CTNND2: variants seen among roughly 807,000 people sequenced by gnomAD.
CTNND2 encodes the protein catenin delta 2, also known as catenin delta-2.
Under a neutral mutation model 144.4 loss-of-function variants are expected in CTNND2, and 22 were observed. The ratio of observed to expected loss-of-function variants is 0.15; its 90% confidence interval spans 0.11 to 0.22. CTNND2 has a LOEUF of 0.22. CTNND2 is among the 10% of genes least tolerant of loss of function. CTNND2 has a pLI of 1.00. For missense variants in CTNND2, 1,353 were observed against 1,618.8 expected, an observed-to-expected ratio of 0.84 and a Z score of 2.82; for synonymous variants, 751 against 695.6, an observed-to-expected ratio of 1.08 and a Z score of -1.25.
chr5:11,311,868 C>T (rs1264428135), intron 9 of CTNND2, among the ~76,000 whole-genome samples: 1 of 142,284 alleles, frequency 7.0e-6, no homozygotes. Flanking sequence ...CACACTCCCC[C>T]TTCCCACTCA....
intron 2 of CTNND2, among the ~76,000 whole-genome samples, chr5:11,711,499 T>C (rs1225685987): frequency 6.6e-6 from 1 of 152,176 alleles, no homozygotes; most frequent in Admixed American, 6.5e-5. Flanking sequence ...TATAAAAAAA[T>C]CAAGCAGATA....
At chr5:11,147,915 A>C (rs886526) in intron 12 of CTNND2, among the ~76,000 whole-genome samples, 81,791 of 152,058 alleles carry the variant, frequency 0.54, 22,250 homozygotes, top group Admixed American at 0.59. Context: ...GAGTGAACAC[A>C]GCTCACATGT....
chr5:11,407,883 A>G (rs768253659), intron 5 of CTNND2, among the ~76,000 whole-genome samples: 1 of 151,940 alleles, frequency 6.6e-6, no homozygotes, highest in Non-Finnish European at 1.5e-5. Flanking sequence ...TTGTTCCACT[A>G]TCGAGGAGGA....
intron 2 of CTNND2, among the ~76,000 whole-genome samples, chr5:11,632,720 A>G (rs1432114528): frequency 6.6e-6 from 1 of 152,212 alleles, no homozygotes; most frequent in Non-Finnish European, 1.5e-5. Context: ...CAAGAACTAA[A>G]GGAAACCATG....
intron 15 of CTNND2, among the ~76,000 whole-genome samples, chr5:11,085,352 T>C (rs760921876): frequency 3.3e-5 from 5 of 152,342 alleles, no homozygotes; most frequent in Non-Finnish European, 5.9e-5. Flanking sequence ...GAAAGGTTAG[T>C]TATGTGTATG....
chr5:11,614,100 C>CT (rs946579884), intron 2 of CTNND2, among the ~76,000 whole-genome samples: 15 of 152,084 alleles, frequency 9.9e-5, no homozygotes, highest in African/African-American at 2.9e-4. Flanking sequence ...TCCTATACTT[C>CT]TTTTTTTAAA....
intron 1 of CTNND2, among the ~76,000 whole-genome samples, chr5:11,776,933 C>T (rs1268446233): frequency 6.6e-6 from 1 of 152,104 alleles, no homozygotes; most frequent in Non-Finnish European, 1.5e-5. Flanking sequence ...AGTTATACTA[C>T]TGGACATCCA....
At chr5:11,047,381 C>T (rs998392551) in intron 16 of CTNND2, among the ~76,000 whole-genome samples, 8 of 152,090 alleles carry the variant, frequency 5.3e-5, no homozygotes, top group African/African-American at 7.2e-5. Flanking sequence ...TGTTTTCCCA[C>T]GTAAAAGGCA....
chr5:11,017,062 C>T (rs1307038514), intron 18 of CTNND2, among the ~76,000 whole-genome samples: 1 of 152,026 alleles, frequency 6.6e-6, no homozygotes, highest in African/African-American at 2.4e-5. Context: ...CAGGTGTGAG[C>T]CACTGCACAT....
intron 18 of CTNND2, 25 bp downstream of exon 18, chr5:11,017,949 A>G (rs1379532645): frequency 6.3e-7 from 1 of 1,577,126 alleles, no homozygotes; most frequent in Non-Finnish European, 8.7e-7. Context: ...GTTTGGACTC[A>G]GGGCCCAGGT....
chr5:10,989,804 AATGAGAGG>A (rs1738458862), intron 19 of CTNND2, among the ~76,000 whole-genome samples: 1 of 152,248 alleles, frequency 6.6e-6, no homozygotes. Flanking sequence ...AATAAAGTAG[AATGAGAGG>A]CAGAAGTGCC....
chr5:11,504,518 G>A (rs1036022669), intron 3 of CTNND2, among the ~76,000 whole-genome samples: 10 of 152,028 alleles, frequency 6.6e-5, no homozygotes, highest in South Asian at 2.1e-4. Flanking sequence ...TGATTTCCCC[G>A]CCTGACAATT....
intron 1 of CTNND2, among the ~76,000 whole-genome samples, chr5:11,851,281 G>A (rs1561857929): frequency 6.6e-6 from 1 of 152,096 alleles, no homozygotes; most frequent in Non-Finnish European, 1.5e-5. Flanking sequence ...GTGCGTATGT[G>A]GGTGTGAGTG....
intron 11 of CTNND2, among the ~76,000 whole-genome samples, chr5:11,191,076 G>C (rs1395218630): frequency 1.3e-5 from 2 of 152,138 alleles, no homozygotes; most frequent in Non-Finnish European, 2.9e-5. Flanking sequence ...GTAAAAAGAA[G>C]TGCTGGAAAA....
chr5:11,524,415 C>T (rs1773028824), intron 3 of CTNND2, among the ~76,000 whole-genome samples: 1 of 152,174 alleles, frequency 6.6e-6, no homozygotes, highest in African/African-American at 2.4e-5. Flanking sequence ...TTTCAAGCAT[C>T]AGCAAACAGT....
At chr5:11,319,193 G>T (rs962717545) in intron 9 of CTNND2, among the ~76,000 whole-genome samples, 23 of 151,896 alleles carry the variant, frequency 1.5e-4, no homozygotes, top group Non-Finnish European at 2.9e-4. Context: ...ACTTAAGATT[G>T]TGTTTATTTG....
rs61751851 is a variant in CTNND2, at chr5:11,164,327, T to C, written c.1976-4568A>G. ...TTTTTTTGCAGGGTAGGGACATTATTCAGTCTACTACGTATCCCTTCAAAA... is the reference window on the plus strand; with the variant it reads ...TTTTTTTGCAGGGTAGGGACATTATCCAGTCTACTACGTATCCCTTCAAAA... On this transcript the variant is annotated intron_variant, in intron 11 of 21. Transcript: ENST00000304623. Among the ~76,000 whole-genome samples the C allele has an allele frequency of 7.9e-5, 12 of 152,310 alleles. No homozygotes were observed. In the East Asian group the frequency reaches 2.3e-3, roughly 29 times the overall value.
intron 2 of CTNND2, among the ~76,000 whole-genome samples, chr5:11,567,028 T>C (rs572153949): frequency 1.1e-4 from 16 of 152,322 alleles, no homozygotes; most frequent in African/African-American, 3.8e-4. Flanking sequence ...TATATGTGGT[T>C]CTCATTTTGG....
At chr5:11,839,125 T>C (rs1794325820) in intron 1 of CTNND2, among the ~76,000 whole-genome samples, 1 of 152,154 alleles carries the variant, frequency 6.6e-6, no homozygotes, top group African/African-American at 2.4e-5. Flanking sequence ...AATCTCAGCC[T>C]TTTTATGATT....
Sources: gnomAD v4.1 joint callset for allele counts (sites outside exome capture counted in the v4.1 genomes callset) on GRCh38, gnomAD v4.1.1 for gene constraint, MANE v1.5 for transcripts, NCBI Gene and HGNC (gene_info 2026-07-23, HGNC 2026-07-21) for gene names.